The following SENP2 variants were observed in gnomAD, a reference collection of about 807,000 sequenced individuals.
SENP2 encodes sentrin-specific protease 2.
Under a neutral mutation model 86.3 loss-of-function variants are expected in SENP2, and 16 were observed. The ratio of observed to expected loss-of-function variants is 0.19; its 90% confidence interval spans 0.13 to 0.28. The LOEUF (loss-of-function observed/expected upper bound fraction) is 0.28. Among genes scored for constraint, SENP2 ranks in the 10% least tolerant of loss-of-function variants. The pLI is 1.00. For synonymous variants in SENP2, 222 were observed against 238.7 expected (o/e 0.93, Z 0.64); for missense variants, 552 against 703.0 (o/e 0.79, Z 2.43).
At chr3:185,591,542 G>A (rs1361844115) in intron 2 of SENP2, among the ~76,000 whole-genome samples, 2 of 151,586 alleles carry the variant, frequency 1.3e-5, no homozygotes, top group Non-Finnish European at 2.9e-5. Context: ...TAGTAGAGAC[G>A]GGGTTTCACC....
At chr3:185,629,695 C>A in intron 16 of SENP2, 87 bp from the exon 17 acceptor site, 2 of 1,291,710 alleles carry the variant, frequency 1.5e-6, no homozygotes, top group Non-Finnish European at 2.2e-6. Flanking sequence ...CATGGACATC[C>A]TGCTTTATTA....
chr3:185,618,541 T>C (rs754522304), intron 12 of SENP2, among the ~76,000 whole-genome samples: 90 of 152,184 alleles, frequency 5.9e-4, no homozygotes, highest in Non-Finnish European at 9.4e-4. Context: ...TATCGTAGAA[T>C]ATTTGGAAAA....
At chr3:185,602,688 G>A (rs1722382622) in intron 5 of SENP2, among the ~76,000 whole-genome samples, 1 of 151,738 alleles carries the variant, frequency 6.6e-6, no homozygotes, top group Non-Finnish European at 1.5e-5. Flanking sequence ...AGAAAAATTA[G>A]CTAGGTGTGG....
At chr3:185,587,262 A>T (rs1721816686) in intron 1 of SENP2, among the ~76,000 whole-genome samples, 1 of 151,908 alleles carries the variant, frequency 6.6e-6, no homozygotes, top group Non-Finnish European at 1.5e-5. Flanking sequence ...CCTCCCAAGT[A>T]GCTGGGATTG....
At chr3:185,594,873 C>T (rs1722127337) in intron 2 of SENP2, among the ~76,000 whole-genome samples, 1 of 152,106 alleles carries the variant, frequency 6.6e-6, no homozygotes, top group Non-Finnish European at 1.5e-5. Flanking sequence ...CCCTCCTTGG[C>T]CTCCCAAAGT....
intron 10 of SENP2, 168 bp downstream of exon 10, chr3:185,613,576 A>T (rs1722764775): frequency 2.3e-6 from 1 of 438,142 alleles, no homozygotes. Flanking sequence ...CATGCCTGTA[A>T]TCCCAGAACT....
intron 5 of SENP2, among the ~76,000 whole-genome samples, chr3:185,602,890 A>G (rs1189125356): frequency 6.7e-6 from 1 of 148,590 alleles, no homozygotes; most frequent in Non-Finnish European, 1.5e-5. Flanking sequence ...ACATAAACTC[A>G]AAATATCTCC....
At chr3:185,608,956 AC>A in intron 6 of SENP2, 1 of 239,552 alleles carries the variant, frequency 4.2e-6, no homozygotes, top group South Asian at 1.0e-4. Context: ...ATTCTGTTCA[AC>A]CCAGTTCTGT....
At chr3:185,627,010 T>C (rs1395258079) in intron 16 of SENP2, among the ~76,000 whole-genome samples, 1 of 125,298 alleles carries the variant, frequency 8.0e-6, no homozygotes, top group Non-Finnish European at 1.6e-5. Flanking sequence ...ACCCGGGAGG[T>C]GGAGGTTGTG....
In SENP2 at chr3:185,603,261, T is replaced by C. The variant is rs546714973; in HGVS notation, c.449+2406T>C. Among the ~76,000 whole-genome samples, 9 of 152,334 alleles carry C rather than the reference T, an allele frequency of 5.9e-5. No homozygotes were observed. In the South Asian group the frequency reaches 1.4e-3, roughly 25 times the overall value. On this transcript the variant is annotated intron_variant, in intron 5 of 16. Coordinates refer to ENST00000296257, the MANE Select transcript of SENP2 (RefSeq NM_021627.3). ...GAAAAATAAAGTGGAGAAGCACGACTGACACCACCTTAACCAAAAGATCAA... is the reference window on the plus strand; with the variant it reads ...GAAAAATAAAGTGGAGAAGCACGACCGACACCACCTTAACCAAAAGATCAA...
At chr3:185,629,408 C>CT (rs1712309690) in intron 16 of SENP2, among the ~76,000 whole-genome samples, 3 of 152,080 alleles carry the variant, frequency 2.0e-5, no homozygotes, top group South Asian at 4.1e-4. Context: ...GAAACCCTGT[C>CT]TCTACTAAAA....
chr3:185,628,522 T>C (rs1712255334), intron 16 of SENP2, among the ~76,000 whole-genome samples: 2 of 152,246 alleles, frequency 1.3e-5, no homozygotes, highest in South Asian at 4.1e-4. Context: ...CTTTTTTTGT[T>C]TGAGACGGAG....
intron 4 of SENP2, among the ~76,000 whole-genome samples, chr3:185,600,521 A>C (rs1722311187): frequency 6.6e-6 from 1 of 152,236 alleles, no homozygotes; most frequent in Admixed American, 6.5e-5. Context: ...CAAGCAAAAC[A>C]AGCAAAGCCT....
chr3:185,631,235 G>C lies in SENP2; in HGVS notation c.*1391G>C, dbSNP rs1387514031. On this transcript the variant is annotated 3_prime_UTR_variant, in exon 17 of 17. Transcript: ENST00000296257. ...TGAATCTACACGCCTGCCATTTGCA[G>C]TGCTCCGGCTGCTGGTCCCAGAGGT... 6.6e-6 allele frequency: 1 copy of C among 152,072 alleles called. No homozygotes were observed. Among genetic ancestry groups the C allele is most frequent in the African/African-American group, 2.4e-5 (1 of 41,396 alleles). The allele number at this position is 152,072 out of a possible 1,614,324, so 9.4% of individuals were successfully genotyped here. A position where few individuals can be genotyped will look rare whatever the true frequency, so the allele number is the denominator to read the frequency against.
At chr3:185,599,575 C>T (rs1385338153) in intron 4 of SENP2, among the ~76,000 whole-genome samples, 2 of 151,896 alleles carry the variant, frequency 1.3e-5, no homozygotes, top group Non-Finnish European at 2.9e-5. Context: ...ATGTCTGCCA[C>T]TCAGGAAGGC....
chr3:185,592,011 C>CTTTTTTTTTTT (rs149268515), intron 2 of SENP2, among the ~76,000 whole-genome samples: 5,579 of 65,570 alleles, frequency 0.085, 1,462 homozygotes, highest in East Asian at 0.16. Flanking sequence ...GGTAATATTT[C>CTTTTTTTTTTT]TTTTTTTTTT....
At chr3:185,596,744 A>G (rs930514697) in intron 2 of SENP2, among the ~76,000 whole-genome samples, 1 of 152,214 alleles carries the variant, frequency 6.6e-6, no homozygotes, top group African/African-American at 2.4e-5. Context: ...AGGACAAGCT[A>G]GTGAGACTAT....
Position 185,629,882 on chromosome 3 carries a change from T to C in SENP2, c.*38T>C. 1 of 1,598,098 alleles carries C rather than the reference T, an allele frequency of 6.3e-7. No individual in the cohort carries two copies. Among genetic ancestry groups the C allele is most frequent in the Non-Finnish European group, 8.6e-7 (1 of 1,165,642 alleles). ...TGGTCCCTCTAGCTGCTGGTGGTTC[T>C]TTCACAGACATTTCCATATACCTCA... On this transcript the variant is annotated 3_prime_UTR_variant, in exon 17 of 17. Coordinates refer to ENST00000296257, the MANE Select transcript of SENP2 (RefSeq NM_021627.3).
chr3:185,588,934 ATACTT>A (rs1431133257), intron 1 of SENP2, among the ~76,000 whole-genome samples: 3 of 152,192 alleles, frequency 2.0e-5, no homozygotes, highest in African/African-American at 7.2e-5. Context: ...GATCTTTACT[ATACTT>A]TAGGTGTTCA....
Sources: gnomAD v4.1 joint callset for allele counts (sites outside exome capture counted in the v4.1 genomes callset) on GRCh38, gnomAD v4.1.1 for gene constraint, MANE v1.5 for transcripts, NCBI Gene and HGNC (gene_info 2026-07-23, HGNC 2026-07-21) for gene names.